CD247: variants seen among roughly 807,000 people sequenced by gnomAD.
CD247 encodes T-cell surface glycoprotein CD3 zeta chain.
In CD247, 13 loss-of-function variants were observed where a neutral mutation model predicts 30.0. That is an observed-to-expected ratio of 0.43 (90% CI 0.28 to 0.69). The LOEUF (loss-of-function observed/expected upper bound fraction) is 0.69, where lower values mean the gene tolerates loss of function less well. CD247 is among the 30% of genes least tolerant of loss of function. The probability of loss-of-function intolerance (pLI) is 0.16; values close to 1 mark genes in which losing one functional copy is unlikely to be tolerated. For synonymous variants in CD247, 72 were observed against 80.0 expected (o/e 0.90, Z 0.53); for missense variants, 193 against 212.6 (o/e 0.91, Z 0.57).
At chr1:167,439,423 C>T (rs750687214) in intron 2 of CD247, 23 bp from the exon 3 acceptor site, 3 of 1,613,440 alleles carry the variant, frequency 1.9e-6, no homozygotes, top group Admixed American at 3.3e-5. Flanking sequence ...AAGCAAAGCG[C>T]GTTACTGCTC....
At chr1:167,433,864 C>T (rs1006597934) in intron 6 of CD247, among the ~76,000 whole-genome samples, 156 bp downstream of exon 6, 1 of 152,158 alleles carries the variant, frequency 6.6e-6, no homozygotes, top group Non-Finnish European at 1.5e-5. Context: ...ATGTTCTGCC[C>T]GGCTGGGTGA....
At chr1:167,509,553 G>A (rs1302694100) in intron 1 of CD247, among the ~76,000 whole-genome samples, 1 of 152,172 alleles carries the variant, frequency 6.6e-6, no homozygotes, top group Non-Finnish European at 1.5e-5. Context: ...GATGGACACT[G>A]TGGGAAGAAC....
intron 1 of CD247, among the ~76,000 whole-genome samples, chr1:167,490,289 A>G (rs1436235642): frequency 2.0e-5 from 3 of 152,018 alleles, no homozygotes; most frequent in Non-Finnish European, 4.4e-5. Flanking sequence ...TTCTTCTCTC[A>G]TTCTTTCTAT....
At chr1:167,515,974 A>C (rs1375252624) in intron 1 of CD247, among the ~76,000 whole-genome samples, 2 of 152,258 alleles carry the variant, frequency 1.3e-5, no homozygotes, top group African/African-American at 2.4e-5. Context: ...CTTTCTTTAG[A>C]GGTGAGAAAA....
chr1:167,480,125 T>C (rs1287254847), intron 1 of CD247, among the ~76,000 whole-genome samples: 2 of 152,094 alleles, frequency 1.3e-5, no homozygotes, highest in African/African-American at 4.8e-5. Context: ...TCTGGAAGGA[T>C]AGTAGACCTG....
At chr1:167,437,191 T>C (rs2101990962) in intron 4 of CD247, among the ~76,000 whole-genome samples, 1 of 151,724 alleles carries the variant, frequency 6.6e-6, no homozygotes, top group Non-Finnish European at 1.5e-5. Context: ...TCACTTGAGG[T>C]CGAAAGTTCG....
chr1:167,492,129 T>C (rs1211779340), intron 1 of CD247, among the ~76,000 whole-genome samples: 1 of 152,204 alleles, frequency 6.6e-6, no homozygotes, highest in Non-Finnish European at 1.5e-5. Flanking sequence ...GTAAATTTTA[T>C]GTTATGTGTA....
chr1:167,518,033 G>A (rs1195938485), intron 1 of CD247, among the ~76,000 whole-genome samples: 4 of 152,188 alleles, frequency 2.6e-5, no homozygotes, highest in Non-Finnish European at 4.4e-5. Flanking sequence ...GTCGCAGCAC[G>A]AAACATGGCC....
intron 4 of CD247, 45 bp from the exon 5 acceptor site, chr1:167,435,479 C>T (rs902824022): frequency 2.6e-6 from 4 of 1,537,960 alleles, no homozygotes; most frequent in Non-Finnish European, 3.6e-6. Flanking sequence ...GAAACACAAA[C>T]CCAAGCCATG....
In CD247 at chr1:167,494,649, C is replaced by A. The variant is rs1654604765; in HGVS notation, c.58+23759G>T. 6.6e-6 allele frequency among the ~76,000 whole-genome samples: 1 copy of A among 152,192 alleles called. No individual in the cohort carries two copies. The highest frequency in any genetic ancestry group is 2.4e-5 in the African/African-American group (1 of 41,434). On this transcript the variant is annotated intron_variant, in intron 1 of 7. Transcript: ENST00000362089. This position sits in a 1 kb window ranked among gnomAD's most constrained non-coding sequence, Gnocchi z 7.3. ...AATTGTATTTTGCACTGTGGCTTTACACAGCCCATGTCTCTGGATTGTTAA... is the reference window on the plus strand; with the variant it reads ...AATTGTATTTTGCACTGTGGCTTTAAACAGCCCATGTCTCTGGATTGTTAA...
chr1:167,479,943 A>G (rs1312317192), intron 1 of CD247, among the ~76,000 whole-genome samples: 6 of 152,082 alleles, frequency 3.9e-5, no homozygotes, highest in African/African-American at 1.4e-4. Flanking sequence ...CACATTTTCT[A>G]CTTCTCTTTT....
chr1:167,434,201 A>G (rs2101986753), intron 5 of CD247, 125 bp from the exon 6 acceptor site: 2 of 844,562 alleles, frequency 2.4e-6, no homozygotes, highest in Non-Finnish European at 4.1e-6. Flanking sequence ...GGCTCCCACA[A>G]TCAAGGCTCC....
At chr1:167,435,542 C>A (rs1200772748) in intron 4 of CD247, 108 bp from the exon 5 acceptor site, 4 of 879,140 alleles carry the variant, frequency 4.5e-6, no homozygotes, top group Non-Finnish European at 7.6e-6. Flanking sequence ...TGGGGCTCTG[C>A]CGTCTGCCTC....
chr1:167,491,567 C>A (rs1404416392), intron 1 of CD247, among the ~76,000 whole-genome samples: 24 of 143,430 alleles, frequency 1.7e-4, no homozygotes, highest in South Asian at 4.4e-4. Context: ...AACTCCATCT[C>A]AAAAAAAAAA....
At chr1:167,478,450 T>C (rs12128094) in intron 1 of CD247, among the ~76,000 whole-genome samples, 16,394 of 152,244 alleles carry the variant, frequency 0.11, 1,301 homozygotes, top group Admixed American at 0.24. Context: ...GGCTGTCTCA[T>C]GGAAAAGAGA....
chr1:167,487,523 C>A (rs1409239380), intron 1 of CD247, among the ~76,000 whole-genome samples: 1 of 152,186 alleles, frequency 6.6e-6, no homozygotes, highest in Non-Finnish European at 1.5e-5. Flanking sequence ...CCACTGGCAG[C>A]CTCAGCCTGG....
chr1:167,518,119 G>A (rs1377679050), intron 1 of CD247, among the ~76,000 whole-genome samples: 2 of 152,132 alleles, frequency 1.3e-5, no homozygotes, highest in African/African-American at 4.8e-5. Context: ...GCCTGCCTCG[G>A]TTGCTCTCTT....
chr1:167,431,130 G>A lies in CD247; in HGVS notation c.*551C>T. 2.4e-6 allele frequency: 1 copy of A among 424,632 alleles called. No individual in the cohort carries two copies. The highest frequency in any genetic ancestry group is 4.2e-6 in the Non-Finnish European group (1 of 240,464). 26.3% of individuals were successfully genotyped at this position (424,632 alleles called of 1,614,324 possible). Reference sequence around the variant, plus strand: ...TGCCCGCCCACCTTCCCATGCCCCTGCAGCTCCCTGGTTGCACCTGGCCTA... The same window carrying A: ...TGCCCGCCCACCTTCCCATGCCCCTACAGCTCCCTGGTTGCACCTGGCCTA... On this transcript the variant is annotated 3_prime_UTR_variant, in exon 8 of 8. Transcript: ENST00000362089.
chr1:167,503,962 C>G (rs1655013059), intron 1 of CD247, among the ~76,000 whole-genome samples: 1 of 152,208 alleles, frequency 6.6e-6, no homozygotes, highest in Non-Finnish European at 1.5e-5. Flanking sequence ...ACCACCAGAT[C>G]TTCCCTTTGC....
Sources: allele counts gnomAD v4.1 joint callset (sites outside exome capture counted in the v4.1 genomes callset), GRCh38; gene constraint gnomAD v4.1.1; non-coding constraint Gnocchi (gnomAD v3.1); transcripts MANE v1.5; gene names NCBI Gene and HGNC (gene_info 2026-07-23, HGNC 2026-07-21).